Variants in KCTD8 observed in about 807,000 individuals in gnomAD.
KCTD8 encodes the protein potassium channel tetramerization domain containing 8, also known as BTB/POZ domain-containing protein KCTD8.
KCTD8 carries 27 observed loss-of-function variants against 31.5 expected under a neutral mutation model. The ratio of observed to expected loss-of-function variants is 0.86; its 90% confidence interval spans 0.63 to 1.18. The LOEUF is 1.18. Among genes scored for constraint, KCTD8 ranks in the 50% most tolerant of loss-of-function variants. The pLI, the probability that KCTD8 is intolerant of heterozygous loss-of-function variation, is 0.00. For missense variants in KCTD8, 658 were observed against 647.7 expected (o/e 1.02, Z -0.17); for synonymous variants, 290 against 280.0 (o/e 1.04, Z -0.36).
intron 1 of KCTD8, among the ~76,000 whole-genome samples, chr4:44,199,313 A>G (rs1714058357): frequency 6.6e-6 from 1 of 152,112 alleles, no homozygotes; most frequent in Non-Finnish European, 1.5e-5. Flanking sequence ...ATAGATACCT[A>G]TAGAATACTC....
At chr4:44,297,712 T>TAA (rs1005985679) in intron 1 of KCTD8, among the ~76,000 whole-genome samples, 1 of 152,176 alleles carries the variant, frequency 6.6e-6, no homozygotes, top group African/African-American at 2.4e-5. Context: ...TGGTAGGTCT[T>TAA]AGATTCTTTA....
chr4:44,425,804 G>A (rs1321635025), intron 1 of KCTD8, among the ~76,000 whole-genome samples: 1 of 151,878 alleles, frequency 6.6e-6, no homozygotes, highest in Non-Finnish European at 1.5e-5. Context: ...ACATCCTTGT[G>A]GGATGATGAC....
chr4:44,320,395 A>C (rs1718264212), intron 1 of KCTD8, among the ~76,000 whole-genome samples: 1 of 152,066 alleles, frequency 6.6e-6, no homozygotes, highest in Non-Finnish European at 1.5e-5. Context: ...CACTTTAAAG[A>C]GGGATATTTT....
At chr4:44,256,251 T>C (rs1412773681) in intron 1 of KCTD8, among the ~76,000 whole-genome samples, 2 of 151,826 alleles carry the variant, frequency 1.3e-5, no homozygotes, top group African/African-American at 4.8e-5. Context: ...CCAAACCATA[T>C]CAACCAGGTT....
intron 1 of KCTD8, among the ~76,000 whole-genome samples, chr4:44,272,141 A>ATATATATATATATATAT (rs1716631369): frequency 7.3e-5 from 11 of 149,664 alleles, no homozygotes; most frequent in African/African-American, 2.5e-4. Flanking sequence ...ATATATATAT[A>ATATATATATATATATAT]AATGCTGAAC....
chr4:44,283,501 C>T (rs1429174150), intron 1 of KCTD8, among the ~76,000 whole-genome samples: 5 of 152,044 alleles, frequency 3.3e-5, no homozygotes, highest in African/African-American at 4.8e-5. Context: ...TAAGTTAAAG[C>T]CAACAGTCAT....
chr4:44,387,076 A>T (rs1720242153), intron 1 of KCTD8, among the ~76,000 whole-genome samples: 1 of 151,856 alleles, frequency 6.6e-6, no homozygotes, highest in Non-Finnish European at 1.5e-5. Flanking sequence ...ATTCCTATAT[A>T]CCAACAGTCA....
chr4:44,301,571 T>C (rs1717623773), intron 1 of KCTD8, among the ~76,000 whole-genome samples: 1 of 152,212 alleles, frequency 6.6e-6, no homozygotes, highest in South Asian at 2.1e-4. Flanking sequence ...GTTGTTTCTT[T>C]TTTTCTTGTA....
intron 1 of KCTD8, among the ~76,000 whole-genome samples, chr4:44,218,673 A>T (rs979311811): frequency 3.3e-5 from 5 of 151,678 alleles, no homozygotes; most frequent in African/African-American, 4.8e-5. Flanking sequence ...GTTCCAAAAT[A>T]TCCATGTTTG....
intron 1 of KCTD8, among the ~76,000 whole-genome samples, chr4:44,193,804 T>G: frequency 6.6e-6 from 1 of 152,156 alleles, no homozygotes; most frequent in Admixed American, 6.5e-5. Flanking sequence ...CACTGTTAGG[T>G]TGCAATATCC....
intron 1 of KCTD8, among the ~76,000 whole-genome samples, chr4:44,252,523 G>A (rs1466107539): frequency 1.3e-5 from 2 of 151,558 alleles, no homozygotes; most frequent in Non-Finnish European, 3.0e-5. Flanking sequence ...GCCAACATCT[G>A]TTATTTTTTT....
intron 1 of KCTD8, among the ~76,000 whole-genome samples, chr4:44,213,880 C>T (rs1714565954): frequency 2.0e-5 from 3 of 152,132 alleles, no homozygotes; most frequent in African/African-American, 4.8e-5. Context: ...ACCACAGGCA[C>T]AGGAGTAGCT....
At chr4:44,204,595 G>C (rs1042128869) in intron 1 of KCTD8, among the ~76,000 whole-genome samples, 1 of 152,084 alleles carries the variant, frequency 6.6e-6, no homozygotes, top group African/African-American at 2.4e-5. Flanking sequence ...CACTCAGGGA[G>C]CTCGGTTTTT....
chr4:44,445,222 A>G (rs1298346136), intron 1 of KCTD8, among the ~76,000 whole-genome samples: 1 of 152,256 alleles, frequency 6.6e-6, no homozygotes, highest in Non-Finnish European at 1.5e-5. Flanking sequence ...AAGCTGTAAA[A>G]AATAAAATAA....
At chr4:44,283,031 A>C (rs1482941131) in intron 1 of KCTD8, among the ~76,000 whole-genome samples, 1 of 49,726 alleles carries the variant, frequency 2.0e-5, no homozygotes, top group Non-Finnish European at 5.8e-5. Flanking sequence ...ACATTTTATT[A>C]TTATTATTAT....
chr4:44,217,818 T>C (rs535417574), intron 1 of KCTD8, among the ~76,000 whole-genome samples: 7 of 152,244 alleles, frequency 4.6e-5, no homozygotes, highest in African/African-American at 1.7e-4. Context: ...TACCAGTGGT[T>C]TGCCAGGGGC....
rs576608869 is a variant in KCTD8, at chr4:44,310,127, T to C, written c.962-134877A>G. 2.0e-5 allele frequency among the ~76,000 whole-genome samples: 3 copies of C among 152,270 alleles called. 1 individual carries two copies. The highest frequency in any genetic ancestry group is 7.2e-5 in the African/African-American group (3 of 41,574). Reference sequence around the variant, plus strand: ...CCTTTTTGGTTTATATGTAAAACTCTGAAATATGTGACATTTTAGAGATAC... The same window carrying C: ...CCTTTTTGGTTTATATGTAAAACTCCGAAATATGTGACATTTTAGAGATAC... On this transcript the variant is annotated intron_variant, in intron 1 of 1. Transcript: ENST00000360029.
chr4:44,389,910 T>C (rs1211378264), intron 1 of KCTD8, among the ~76,000 whole-genome samples: 1 of 151,980 alleles, frequency 6.6e-6, no homozygotes, highest in African/African-American at 2.4e-5. Flanking sequence ...TTTTTTCATG[T>C]TTGTTGGTCA....
chr4:44,264,826 C>T (rs771488408), intron 1 of KCTD8, among the ~76,000 whole-genome samples: 16 of 152,260 alleles, frequency 1.1e-4, no homozygotes, highest in East Asian at 3.9e-4. Context: ...AAGGCAGCAG[C>T]GAGGCTGGGG....
Sources: allele counts gnomAD v4.1 joint callset (sites outside exome capture counted in the v4.1 genomes callset), GRCh38; gene constraint gnomAD v4.1.1; transcripts MANE v1.5; gene names NCBI Gene and HGNC (gene_info 2026-07-23, HGNC 2026-07-21).